Variants in PTPRN2 observed in about 807,000 individuals in gnomAD.
The protein encoded by PTPRN2 is receptor-type tyrosine-protein phosphatase N2.
In PTPRN2, 74 loss-of-function variants were observed where a neutral mutation model predicts 118.8. That is an observed-to-expected ratio of 0.62 (90% confidence interval 0.52 to 0.76). The LOEUF (loss-of-function observed/expected upper bound fraction) is 0.76. Ranked by LOEUF, PTPRN2 falls within the 30% of genes least tolerant of loss-of-function variation. PTPRN2 has a pLI of 0.00. For missense variants in PTPRN2, 1,481 were observed against 1,394.4 expected, an observed-to-expected ratio of 1.06 and a Z score of -0.99; for synonymous variants, 641 against 608.0, an observed-to-expected ratio of 1.05 and a Z score of -0.80.
rs1157473275 is a variant in PTPRN2 at position 157,584,925 on chromosome 7, A to C, written c.2497-6785T>G. 2.6e-5 allele frequency among the ~76,000 whole-genome samples: 4 copies of C among 152,186 alleles called. No homozygotes were observed. In the East Asian group the frequency reaches 7.7e-4, roughly 29 times the overall value. On this transcript the variant is annotated intron_variant, in intron 17 of 22. Coordinates refer to ENST00000389418, the MANE Select transcript of PTPRN2 (RefSeq NM_002847.5). ...TTCAGGCTTTGCGGCTCTGGTTCCG[A>C]GAGAGTCACAGGCTCCAGGCCACAG...
At chr7:158,538,779 C>T (rs907643984) in intron 1 of PTPRN2, among the ~76,000 whole-genome samples, 1 of 152,214 alleles carries the variant, frequency 6.6e-6, no homozygotes, top group Non-Finnish European at 1.5e-5. Context: ...ACACCTGCCT[C>T]GTGCAGGGCC....
chr7:157,692,269 C>G lies in PTPRN2; in HGVS notation c.1789-9332G>C, dbSNP rs540060986. On this transcript the variant is annotated intron_variant, in intron 12 of 22. Coordinates refer to ENST00000389418, the MANE Select transcript of PTPRN2 (RefSeq NM_002847.5). ...CCCGCGGCGCCCGCTCCCGGCCCCT[C>G]CGGGGCCAACTCCTCCACACCCCCC... is the stretch of plus-strand genomic sequence containing the variant. Among the ~76,000 whole-genome samples the G allele has an allele frequency of 2.7e-4, 41 of 152,204 alleles. No individual in the cohort carries two copies. In the South Asian group the frequency reaches 8.3e-3, roughly 31 times the overall value.
At chr7:158,522,222 G>T (rs1449771231) in intron 1 of PTPRN2, among the ~76,000 whole-genome samples, 2 of 77,580 alleles carry the variant, frequency 2.6e-5, no homozygotes, top group Non-Finnish European at 2.5e-5. Flanking sequence ...GACTGTCCAG[G>T]TAGTGGCTCA....
Position 158,366,024 on chromosome 7 carries a change from TAC to T in PTPRN2, c.164-49094_164-49093del, listed in dbSNP as rs796557964. Reference sequence around the variant, plus strand: ...CTGCAGCCCAATGCACGTGTGCAAATACACACACACACAGCATCCCTAGAAGC... The same window carrying T: ...CTGCAGCCCAATGCACGTGTGCAAATACACACACACAGCATCCCTAGAAGC... On this transcript the variant is annotated intron_variant, in intron 2 of 22. Transcript: ENST00000389418. Among the ~76,000 whole-genome samples the T allele has an allele frequency of 4.2e-3, 472 of 113,018 alleles. 3 individuals carry two copies. The highest frequency in any genetic ancestry group is 0.013 in the African/African-American group (377 of 28,484). The allele number at this position is 113,018 out of a possible 152,430, so 74.1% of individuals were successfully genotyped here.
At chr7:158,186,599 A>G (rs57953416) in intron 5 of PTPRN2, among the ~76,000 whole-genome samples, 8 of 136,176 alleles carry the variant, frequency 5.9e-5, no homozygotes, top group Non-Finnish European at 1.1e-4. Flanking sequence ...GCATGAACGC[A>G]CCTGGGCCCA....
rs111841063 is a variant in PTPRN2 at position 157,948,628 on chromosome 7, G to A, written c.1724-49891C>T. ...ACAGAAATTACTGTAAATGAAAAGG[G>A]ATCAAACTCACCAATTAAAAGAGAG... On this transcript the variant is annotated intron_variant, in intron 11 of 22. Coordinates refer to ENST00000389418, the MANE Select transcript of PTPRN2 (RefSeq NM_002847.5). Among the ~76,000 whole-genome samples, 606 of 152,250 alleles carry A rather than the reference G, an allele frequency of 4.0e-3. 2 individuals carry two copies. The highest frequency in any genetic ancestry group is 0.01 in the Middle Eastern group (3 of 294).
chr7:158,397,347 C>T (rs960641233), intron 2 of PTPRN2, among the ~76,000 whole-genome samples: 12 of 152,202 alleles, frequency 7.9e-5, no homozygotes, highest in Admixed American at 1.3e-4. Context: ...CAGACACCCT[C>T]AGCGGTTGTG....
intron 14 of PTPRN2, among the ~76,000 whole-genome samples, chr7:157,646,937 C>A (rs1278866776): frequency 6.8e-6 from 1 of 147,976 alleles, no homozygotes; most frequent in Non-Finnish European, 1.5e-5. Flanking sequence ...GTGGGTCAGA[C>A]CCATCCAGGG....
In PTPRN2 at chr7:157,603,526, T is replaced by A. The variant is rs539801249; in HGVS notation, c.2418+476A>T. On this transcript the variant is annotated intron_variant, in intron 16 of 22. Coordinates refer to ENST00000389418, the MANE Select transcript of PTPRN2 (RefSeq NM_002847.5). This position sits in a 1 kb window ranked among gnomAD's most constrained non-coding sequence, Gnocchi z 5.4. The stretch of plus-strand genomic sequence containing the variant: ...AACAGCCAGCAAACGGTCTCTTTCA[T>A]AAGAAACAGGGTCCCATTCACTGGA... 4.6e-5 allele frequency among the ~76,000 whole-genome samples: 7 copies of A among 152,182 alleles called. No individual in the cohort carries two copies. The highest frequency in any genetic ancestry group is 1.3e-4 in the Admixed American group (2 of 15,290).
chr7:158,137,277 C>T (rs1031553079), intron 7 of PTPRN2, among the ~76,000 whole-genome samples: 11 of 151,970 alleles, frequency 7.2e-5, no homozygotes, highest in Non-Finnish European at 1.3e-4. Flanking sequence ...ATTAGCTGGG[C>T]GTGGTAGTGC....
chr7:157,755,934 C>T (rs1801753323), intron 12 of PTPRN2, among the ~76,000 whole-genome samples: 1 of 152,352 alleles, frequency 6.6e-6, no homozygotes, highest in South Asian at 2.1e-4. Flanking sequence ...ACAGGCCCTT[C>T]CCACGGCAGC....
chr7:157,952,059 G>A (rs1800847623), intron 11 of PTPRN2, among the ~76,000 whole-genome samples: 1 of 152,208 alleles, frequency 6.6e-6, no homozygotes, highest in South Asian at 2.1e-4. Flanking sequence ...CCAGGTGCCT[G>A]CTCTCCTTGT....
intron 12 of PTPRN2, among the ~76,000 whole-genome samples, chr7:157,884,167 G>C (rs1262948147): frequency 6.6e-6 from 1 of 151,554 alleles, no homozygotes; most frequent in Admixed American, 6.6e-5. Flanking sequence ...ACCCCAAAAT[G>C]ACTGTCAGAG....
chr7:158,530,614 C>T (rs774610661), intron 1 of PTPRN2, among the ~76,000 whole-genome samples: 2 of 152,178 alleles, frequency 1.3e-5, no homozygotes, highest in African/African-American at 4.8e-5. Context: ...CGTGTGAGAG[C>T]GTGTGCCTGT....
At position 157,763,398 on chromosome 7, in the gene PTPRN2, A is replaced by G. The variant is rs957750738; in HGVS notation, c.1789-80461T>C. Among the ~76,000 whole-genome samples the G allele has an allele frequency of 6.6e-6, 1 of 152,110 alleles. No individual in the cohort carries two copies. Among genetic ancestry groups the G allele is most frequent in the Non-Finnish European group, 1.5e-5 (1 of 68,018 alleles). ...ACAGCCTGCCCCAGTCACTGTGGCCATGGGGCGGCCTTCGCTCTGAGGCAC... is the reference window on the plus strand; with the variant it reads ...ACAGCCTGCCCCAGTCACTGTGGCCGTGGGGCGGCCTTCGCTCTGAGGCAC... On this transcript the variant is annotated intron_variant, in intron 12 of 22. Coordinates refer to ENST00000389418, the MANE Select transcript of PTPRN2 (RefSeq NM_002847.5). The surrounding 1 kb of genome is among the most constrained non-coding windows in gnomAD (Gnocchi z 4.9).
rs139879063 is a variant in PTPRN2, at chr7:158,535,874, C to T, written c.113-46089G>A. ...TCTATAAAATGTCTAAGTTTTCCAT[C>T]CAGTTTATTTTTAAAATCTGCAAAA... On this transcript the variant is annotated intron_variant, in intron 1 of 22. Coordinates refer to ENST00000389418, the MANE Select transcript of PTPRN2 (RefSeq NM_002847.5). 7.0e-3 allele frequency among the ~76,000 whole-genome samples: 1,046 copies of T among 150,094 alleles called. 11 individuals carry two copies. Among genetic ancestry groups the T allele is most frequent in the Non-Finnish European group, 8.1e-3 (549 of 67,676 alleles).
At chr7:157,546,145 G>A (rs1029274974) in intron 22 of PTPRN2, among the ~76,000 whole-genome samples, 1 of 152,130 alleles carries the variant, frequency 6.6e-6, no homozygotes. Flanking sequence ...TCCTCCGGAC[G>A]CCCAGTCCAA....
chr7:157,570,608 G>A (rs984911183), intron 20 of PTPRN2, among the ~76,000 whole-genome samples: 9 of 152,218 alleles, frequency 5.9e-5, no homozygotes, highest in Admixed American at 3.9e-4. Flanking sequence ...TTTTCTTTGC[G>A]TAAAATCTAT....
At chr7:158,092,698 T>C (rs1814294291) in intron 10 of PTPRN2, among the ~76,000 whole-genome samples, 1 of 152,148 alleles carries the variant, frequency 6.6e-6, no homozygotes, top group South Asian at 2.1e-4. Context: ...AAAATCATAA[T>C]GATTTAAGAG....
Sources: allele counts gnomAD v4.1 joint callset (sites outside exome capture counted in the v4.1 genomes callset), GRCh38; gene constraint gnomAD v4.1.1; non-coding constraint Gnocchi (gnomAD v3.1); transcripts MANE v1.5; gene names NCBI Gene and HGNC (gene_info 2026-07-23, HGNC 2026-07-21).